UBE2V2: variants seen among roughly 807,000 people sequenced by gnomAD.
UBE2V2 encodes ubiquitin conjugating enzyme E2 V2.
Under a neutral mutation model 17.2 loss-of-function variants are expected in UBE2V2, and 9 were observed. The ratio of observed to expected loss-of-function variants is 0.52; its 90% CI spans 0.32 to 0.91. The LOEUF is 0.91. UBE2V2 is among the 40% of genes least tolerant of loss of function. The probability of loss-of-function intolerance (pLI) is 0.04; values close to 1 mark genes in which losing one functional copy is unlikely to be tolerated. For synonymous variants in UBE2V2, 61 were observed against 57.5 expected, an observed-to-expected ratio of 1.06 and a Z score of -0.28; for missense variants, 133 against 182.6, an observed-to-expected ratio of 0.73 and a Z score of 1.56.
At chr8:48,016,848 G>A (rs1394372405) in intron 1 of UBE2V2, among the ~76,000 whole-genome samples, 3 of 138,858 alleles carry the variant, frequency 2.2e-5, no homozygotes, top group East Asian at 4.4e-4. Flanking sequence ...GTGCAGTGGC[G>A]AGATGTCAGT....
chr8:48,012,370 T>C (rs960027213), intron 1 of UBE2V2, among the ~76,000 whole-genome samples: 2 of 152,176 alleles, frequency 1.3e-5, no homozygotes, highest in African/African-American at 2.4e-5. Flanking sequence ...TTAGTACTCA[T>C]GATTCAAAAT....
intron 2 of UBE2V2, 92 bp downstream of exon 2, chr8:48,043,273 G>A (rs1269245008): frequency 1.1e-5 from 11 of 1,013,010 alleles, no homozygotes; most frequent in Non-Finnish European, 1.4e-5. Context: ...AAGCAATTAT[G>A]ATAACTTCTA....
chr8:48,049,075 T>A (rs2091518621), intron 2 of UBE2V2, among the ~76,000 whole-genome samples: 1 of 152,130 alleles, frequency 6.6e-6, no homozygotes, highest in Non-Finnish European at 1.5e-5. Context: ...TTTATAGGCA[T>A]GAAAATAAGC....
At chr8:48,016,911 G>A (rs1242641314) in intron 1 of UBE2V2, among the ~76,000 whole-genome samples, 1 of 150,292 alleles carries the variant, frequency 6.7e-6, no homozygotes, top group Admixed American at 6.6e-5. Flanking sequence ...TTAGCCTCCC[G>A]AGTAGCTGGG....
At chr8:48,021,345 C>T (rs1355035644) in intron 1 of UBE2V2, among the ~76,000 whole-genome samples, 7 of 135,784 alleles carry the variant, frequency 5.2e-5, no homozygotes, top group African/African-American at 8.4e-5. Context: ...CTCGCTCTGT[C>T]GCCCACGCTG....
chr8:48,012,047 A>C (rs1273080311), intron 1 of UBE2V2, among the ~76,000 whole-genome samples: 2 of 152,204 alleles, frequency 1.3e-5, no homozygotes, highest in East Asian at 3.8e-4. Flanking sequence ...AAGGCTATAC[A>C]TAGGTGGTTA....
chr8:48,049,972 T>C lies in UBE2V2; in HGVS notation c.285T>C (p.Ser95=). The change falls in exon 3 of 4, where the codon AGT becomes AGC. Residue 95 remains serine, a synonymous_variant. Transcript: ENST00000523111. The part of the protein sequence containing the change: ...KINMNGINNS[S]GMVDARSIPV... ...ATATGAACGGAATAAATAATTCCAGTGGGATGGTAAGTTAATATAGTCATT... is the reference window on the plus strand; with the variant it reads ...ATATGAACGGAATAAATAATTCCAGCGGGATGGTAAGTTAATATAGTCATT... The C allele has an allele frequency of 6.5e-7, 1 of 1,545,914 alleles. No homozygotes were observed. The highest frequency in any genetic ancestry group is 8.7e-7 in the Non-Finnish European group (1 of 1,148,248).
At chr8:48,002,971 G>A in the UBE2V2 span, among the ~76,000 whole-genome samples, 1 of 152,098 alleles carries the variant, frequency 6.6e-6, no homozygotes, top group Admixed American at 6.6e-5. Context: ...CAGCACTTTG[G>A]GAGGCCGAAG....
intron 1 of UBE2V2, among the ~76,000 whole-genome samples, chr8:48,021,146 C>T (rs1186251712): frequency 6.0e-5 from 9 of 149,664 alleles, no homozygotes; most frequent in Admixed American, 1.3e-4. Context: ...GGCGTGATCC[C>T]GGCTCACTGC....
rs765594550 is a variant in UBE2V2, at chr8:48,060,874, A to G, written c.*46A>G. ...GTCTTAAATCAACAACCTTCTACTCATGTTAATGTCTTGATTAAATATCAC... is the reference window on the plus strand; with the variant it reads ...GTCTTAAATCAACAACCTTCTACTCGTGTTAATGTCTTGATTAAATATCAC... On this transcript the variant is annotated 3_prime_UTR_variant, in exon 4 of 4. Coordinates refer to ENST00000523111, the MANE Select transcript of UBE2V2 (RefSeq NM_003350.3). The G allele has an allele frequency of 3.5e-6, 5 of 1,412,286 alleles. No individual in the cohort carries two copies. The highest frequency in any genetic ancestry group is 1.8e-5 in the South Asian group (1 of 55,480). 87.5% of individuals were successfully genotyped at this position (1,412,286 alleles called of 1,614,324 possible). A position where few individuals can be genotyped will look rare whatever the true frequency, so the allele number is the denominator to read the frequency against.
chr8:48,008,110 C>T (rs372524551), upstream of UBE2V2, among the ~76,000 whole-genome samples: 580 of 152,092 alleles, frequency 3.8e-3, 4 homozygotes, highest in South Asian at 0.025. Context: ...TTAGTAGAGA[C>T]GGGGTTTCGC....
intron 1 of UBE2V2, among the ~76,000 whole-genome samples, chr8:48,029,585 G>A (rs1262248719): frequency 6.6e-6 from 1 of 152,152 alleles, no homozygotes; most frequent in East Asian, 1.9e-4. Flanking sequence ...GTATAATTAT[G>A]CCAGAGGTTT....
the UBE2V2 span, among the ~76,000 whole-genome samples, chr8:48,001,623 A>T: frequency 5.7e-4 from 87 of 152,278 alleles, no homozygotes; most frequent in African/African-American, 1.8e-3. Flanking sequence ...ACAAAAAAAC[A>T]CTATGAAAGT....
At chr8:48,059,174 A>G (rs1005134188) in intron 3 of UBE2V2, among the ~76,000 whole-genome samples, 4 of 151,896 alleles carry the variant, frequency 2.6e-5, no homozygotes, top group Non-Finnish European at 5.9e-5. Context: ...AACTCAGGCA[A>G]TCCGCCCGCC....
In UBE2V2 at chr8:48,064,548, CT is replaced by C. The variant is rs2154508475; in HGVS notation, c.*3721del. 6.6e-6 allele frequency: 1 copy of C among 152,080 alleles called. No individual in the cohort carries two copies. The highest frequency in any genetic ancestry group is 1.9e-4 in the East Asian group (1 of 5,180). The allele number at this position is 152,080 out of a possible 1,614,324, so 9.4% of individuals were successfully genotyped here. A position where few individuals can be genotyped will look rare whatever the true frequency, so the allele number is the denominator to read the frequency against. On this transcript the variant is annotated 3_prime_UTR_variant, in exon 4 of 4. Transcript: ENST00000523111. ...TGATGAAATCTTACCATAGTTCATACTGAAAATGTTGTTTATTTAAAAGTAT... is the reference window on the plus strand; with the variant it reads ...TGATGAAATCTTACCATAGTTCATACGAAAATGTTGTTTATTTAAAAGTAT...
chr8:48,017,378 CTT>C (rs778688669), intron 1 of UBE2V2, among the ~76,000 whole-genome samples: 114 of 142,076 alleles, frequency 8.0e-4, no homozygotes, highest in Middle Eastern at 3.7e-3. Flanking sequence ...TTCTCTCTCT[CTT>C]TTTTTTTTTT....
chr8:48,017,554 G>A (rs2091277973), intron 1 of UBE2V2, among the ~76,000 whole-genome samples: 1 of 151,882 alleles, frequency 6.6e-6, no homozygotes, highest in East Asian at 1.9e-4. Flanking sequence ...TGTATTTTTA[G>A]TAGAGACGGG....
At position 48,040,040 on chromosome 8, in the gene UBE2V2, CTT is replaced by C. The variant is rs56888818; in HGVS notation, c.17-2978_17-2977del. Among the ~76,000 whole-genome samples, 776 of 140,302 alleles carry C rather than the reference CTT, an allele frequency of 5.5e-3. 8 individuals carry two copies. The highest frequency in any genetic ancestry group is 0.019 in the African/African-American group (730 of 38,672). 92.0% of individuals were successfully genotyped at this position (140,302 alleles called of 152,430 possible). ...CCGCCACCATGCCCAGCCTTTTCTA[CTT>C]TTTTTTTTTTTTTTCTTTTGAAATA... On this transcript the variant is annotated intron_variant, in intron 1 of 3. Transcript: ENST00000523111.
chr8:48,004,270 G>C (rs1217254278), upstream of UBE2V2, among the ~76,000 whole-genome samples: 1 of 152,180 alleles, frequency 6.6e-6, no homozygotes, highest in Non-Finnish European at 1.5e-5. Context: ...GGATAGGTCA[G>C]CTAGAGGCTG....
Sources: gnomAD v4.1 joint callset for allele counts (sites outside exome capture counted in the v4.1 genomes callset) on GRCh38, gnomAD v4.1.1 for gene constraint, MANE v1.5 for transcripts, NCBI Gene and HGNC (gene_info 2026-07-23, HGNC 2026-07-21) for gene names.